The following NEDD9 variants were observed in gnomAD, a reference collection of about 807,000 sequenced individuals.
The protein encoded by NEDD9 is neural precursor cell expressed, developmentally down-regulated 9.
Under a neutral mutation model 76.6 loss-of-function variants are expected in NEDD9, and 26 were observed. That is an observed-to-expected ratio of 0.34 (90% CI 0.25 to 0.47). The LOEUF (loss-of-function observed/expected upper bound fraction) is 0.47. Ranked by LOEUF, NEDD9 falls within the 20% of genes least tolerant of loss-of-function variation. The pLI, the probability that NEDD9 is intolerant of heterozygous loss-of-function variation, is 1.00. For synonymous variants in NEDD9, 392 were observed against 414.2 expected, an observed-to-expected ratio of 0.95 and a Z score of 0.65; for missense variants, 937 against 1,058.5, an observed-to-expected ratio of 0.89 and a Z score of 1.59.
Position 11,216,870 on chromosome 6 carries a change from T to C in NEDD9, c.13-3143A>G, listed in dbSNP as rs191662907. On this transcript the variant is annotated intron_variant, in intron 1 of 6. Transcript: ENST00000379446. ...TGTACCTATCTGATATTTATCTTGC[T>C]CAGGATTACATTTCAGAAGAACTGT... Among the ~76,000 whole-genome samples the C allele has an allele frequency of 1.3e-3, 193 of 152,362 alleles. 2 individuals are homozygous for C. Among genetic ancestry groups the C allele is most frequent in the Non-Finnish European group, 2.8e-4 (19 of 68,032 alleles).
At chr6:11,328,838 G>A (rs371717756) in intron 2 of NEDD9, 1 of 152,266 alleles carries the variant, frequency 6.6e-6, no homozygotes, top group East Asian at 1.9e-4. Context: ...TGGCCCCAGA[G>A]GGGAGCAGGC....
At chr6:11,195,442 AT>A (rs1758267482) in intron 2 of NEDD9, among the ~76,000 whole-genome samples, 1 of 144,376 alleles carries the variant, frequency 6.9e-6, no homozygotes. Context: ...TGTGTTCCTA[AT>A]GCCCTTATAT....
chr6:11,345,260 T>C (rs548533108), intron 1 of NEDD9, among the ~76,000 whole-genome samples: 3 of 152,324 alleles, frequency 2.0e-5, no homozygotes, highest in Admixed American at 6.5e-5. Context: ...GAGATGAAGA[T>C]GAGCTGATTT....
intron 3 of NEDD9, among the ~76,000 whole-genome samples, chr6:11,295,291 G>A (rs1302245525): frequency 6.6e-6 from 1 of 152,128 alleles, no homozygotes; most frequent in Admixed American, 6.5e-5. Context: ...TGTTATTATT[G>A]TATGAGTGCG....
intron 3 of NEDD9, among the ~76,000 whole-genome samples, chr6:11,240,132 T>A (rs1247757210): frequency 1.3e-5 from 2 of 152,106 alleles, no homozygotes; most frequent in Middle Eastern, 3.4e-3. Context: ...TCGTGATCCC[T>A]GAATTTCTTC....
Position 11,333,974 on chromosome 6 carries a change from A to T in NEDD9, c.-153+527T>A, listed in dbSNP as rs141541511. ...GCTGTAAAAAGAAGGGCTTTAGCCC[A>T]AAAGTTGGGGTTGCTCAGTTTTTTT... On this transcript the variant is annotated intron_variant, in intron 2 of 3. Coordinates refer to the NEDD9 transcript ENST00000397378. Among the ~76,000 whole-genome samples, 319 of 152,362 alleles carry T rather than the reference A, an allele frequency of 2.1e-3. 1 individual carries two copies. Among genetic ancestry groups the T allele is most frequent in the African/African-American group, 7.2e-3 (300 of 41,586 alleles).
chr6:11,224,299 T>C (rs762148550), intron 1 of NEDD9, among the ~76,000 whole-genome samples: 9 of 152,186 alleles, frequency 5.9e-5, no homozygotes, highest in African/African-American at 9.7e-5. Context: ...CTCTGTGAGA[T>C]AGCCTAGAAG....
intron 2 of NEDD9, among the ~76,000 whole-genome samples, chr6:11,310,706 C>T (rs566633317): frequency 2.0e-3 from 301 of 152,312 alleles, no homozygotes; most frequent in African/African-American, 6.8e-3. Flanking sequence ...TTATACACAG[C>T]GGATGTTTCA....
chr6:11,267,462 G>T (rs1397123574), intron 3 of NEDD9, among the ~76,000 whole-genome samples: 6 of 151,716 alleles, frequency 4.0e-5, no homozygotes, highest in Non-Finnish European at 8.8e-5. Flanking sequence ...CTTAAGATTT[G>T]TACTTAGACT....
At position 11,370,134 on chromosome 6, in the gene NEDD9, A is replaced by G. The variant is rs1036063839; in HGVS notation, c.-214+12005T>C. On this transcript the variant is annotated intron_variant, in intron 1 of 3. Coordinates refer to the NEDD9 transcript ENST00000397378. This position sits in a 1 kb window ranked among gnomAD's most constrained non-coding sequence, Gnocchi z 4.2. ...TTTTCCCTAAGGAACATTTCGTTTA[A>G]TGATGAAATAGACACATCTCTCTGC... Among the ~76,000 whole-genome samples, 6 of 152,306 alleles carry G rather than the reference A, an allele frequency of 3.9e-5. No individual in the cohort carries two copies. Among genetic ancestry groups the G allele is most frequent in the Non-Finnish European group, 7.3e-5 (5 of 68,034 alleles).
At chr6:11,347,173 T>C (rs942799011) in intron 1 of NEDD9, among the ~76,000 whole-genome samples, 1 of 152,026 alleles carries the variant, frequency 6.6e-6, no homozygotes, top group Non-Finnish European at 1.5e-5. Context: ...AGCACTGGGG[T>C]ACAAAGATCG....
chr6:11,268,442 T>C (rs1274145088), intron 3 of NEDD9, among the ~76,000 whole-genome samples: 1 of 151,896 alleles, frequency 6.6e-6, no homozygotes, highest in Non-Finnish European at 1.5e-5. Flanking sequence ...ATAAAGAATT[T>C]ACCAGCTGGG....
upstream of NEDD9, chr6:11,233,462 C>G (rs754767484): frequency 1.9e-6 from 1 of 518,724 alleles, no homozygotes; most frequent in East Asian, 5.4e-5. Flanking sequence ...ACATCATCAC[C>G]GTCCACTGAG....
At chr6:11,363,954 A>G (rs1035260764) in intron 1 of NEDD9, among the ~76,000 whole-genome samples, 8 of 152,224 alleles carry the variant, frequency 5.3e-5, no homozygotes, top group Admixed American at 2.6e-4. Context: ...GAGTTCACAT[A>G]GCAGGTCTGA....
At chr6:11,199,509 G>A (rs755762022) in intron 2 of NEDD9, 18 of 152,048 alleles carry the variant, frequency 1.2e-4, no homozygotes, top group Non-Finnish European at 2.4e-4. Context: ...TATTGTTATT[G>A]TAATTGTCAC....
chr6:11,346,653 G>A (rs997817293), intron 1 of NEDD9, among the ~76,000 whole-genome samples: 2 of 152,164 alleles, frequency 1.3e-5, no homozygotes, highest in African/African-American at 2.4e-5. Context: ...GGGCTGGGGA[G>A]GACTGGAGTT....
chr6:11,214,271 C>T, intron 1 of NEDD9: 1 of 499,304 alleles, frequency 2.0e-6, no homozygotes, highest in Non-Finnish European at 3.9e-6. Flanking sequence ...TTCTTGTTCT[C>T]AGATGACAGG....
intron 3 of NEDD9, among the ~76,000 whole-genome samples, chr6:11,290,312 C>G (rs1760737988): frequency 6.6e-6 from 1 of 152,206 alleles, no homozygotes; most frequent in South Asian, 2.1e-4. Flanking sequence ...TCATTCCCCC[C>G]AAAGGCTGTC....
chr6:11,187,792 G>A (rs1176286786), intron 6 of NEDD9, among the ~76,000 whole-genome samples: 2 of 152,148 alleles, frequency 1.3e-5, no homozygotes, highest in Non-Finnish European at 2.9e-5. Context: ...ATAGAAAGAA[G>A]CAAAGGAACT....
Sources: allele counts gnomAD v4.1 joint callset (sites outside exome capture counted in the v4.1 genomes callset), GRCh38; gene constraint gnomAD v4.1.1; non-coding constraint Gnocchi (gnomAD v3.1); transcripts MANE v1.5; gene names NCBI Gene and HGNC (gene_info 2026-07-23, HGNC 2026-07-21).